RALGPS2: variants seen among roughly 807,000 people sequenced by gnomAD.
The protein encoded by RALGPS2 is ras-specific guanine nucleotide-releasing factor RalGPS2.
Under a neutral mutation model 86.8 loss-of-function variants are expected in RALGPS2, and 43 were observed. The ratio of observed to expected loss-of-function variants is 0.50; its 90% CI spans 0.39 to 0.64. The LOEUF (loss-of-function observed/expected upper bound fraction) is 0.64, where lower values mean the gene tolerates loss of function less well. Ranked by LOEUF, RALGPS2 falls within the 30% of genes least tolerant of loss-of-function variation. The probability of loss-of-function intolerance (pLI) is 0.00; values close to 1 mark genes in which losing one functional copy is unlikely to be tolerated. For missense variants in RALGPS2, 536 were observed against 694.6 expected, an observed-to-expected ratio of 0.77 and a Z score of 2.57; for synonymous variants, 243 against 231.3, an observed-to-expected ratio of 1.05 and a Z score of -0.46.
chr1:178,856,196 G>T (rs1171136927), intron 8 of RALGPS2, among the ~76,000 whole-genome samples: 594 of 40,506 alleles, frequency 0.015, 3 homozygotes, highest in African/African-American at 0.038. Flanking sequence ...TTTCCAGAGA[G>T]AGAGAGATAT....
chr1:178,731,868 A>G (rs1650385110), intron 1 of RALGPS2, among the ~76,000 whole-genome samples: 2 of 152,118 alleles, frequency 1.3e-5, no homozygotes, highest in African/African-American at 4.8e-5. Flanking sequence ...TTTGGGCAAT[A>G]CAATCCATTA....
intron 19 of RALGPS2, among the ~76,000 whole-genome samples, chr1:178,907,921 T>G (rs1660455697): frequency 1.3e-5 from 2 of 152,242 alleles, no homozygotes; most frequent in South Asian, 4.1e-4. Flanking sequence ...CTTCATCCTT[T>G]AAGTCCATTC....
chr1:178,882,330 C>T (rs1277449002), intron 10 of RALGPS2, among the ~76,000 whole-genome samples: 2 of 152,122 alleles, frequency 1.3e-5, no homozygotes, highest in Non-Finnish European at 2.9e-5. Flanking sequence ...CCGTGTCTGC[C>T]GTAATCTCTA....
chr1:178,733,614 G>T (rs761068321), intron 1 of RALGPS2, among the ~76,000 whole-genome samples: 7 of 152,222 alleles, frequency 4.6e-5, no homozygotes, highest in Admixed American at 1.3e-4. Flanking sequence ...ATTTCAAGTG[G>T]GTTTGAAAAT....
chr1:178,766,693 T>C (rs545556258), intron 1 of RALGPS2, among the ~76,000 whole-genome samples: 1 of 152,348 alleles, frequency 6.6e-6, no homozygotes, highest in Non-Finnish European at 1.5e-5. Context: ...TCTTTCATTT[T>C]GACCTTGGAG....
intron 1 of RALGPS2, among the ~76,000 whole-genome samples, chr1:178,734,936 T>G (rs1397960965): frequency 6.6e-6 from 1 of 152,134 alleles, no homozygotes; most frequent in East Asian, 1.9e-4. Flanking sequence ...ATTTTCTGGT[T>G]GTTTGATCTT....
intron 19 of RALGPS2, among the ~76,000 whole-genome samples, chr1:178,909,910 A>G (rs1660557195): frequency 6.6e-6 from 1 of 152,014 alleles, no homozygotes; most frequent in South Asian, 2.1e-4. Context: ...CCGCCTCCCA[A>G]AGTGCTGGGA....
chr1:178,732,261 T>C (rs1395963797), intron 1 of RALGPS2, among the ~76,000 whole-genome samples: 1 of 151,886 alleles, frequency 6.6e-6, no homozygotes. Flanking sequence ...TCACTTGAGA[T>C]ACATGGTTCT....
chr1:178,763,794 T>C (rs1558108048), intron 1 of RALGPS2, among the ~76,000 whole-genome samples: 1 of 152,200 alleles, frequency 6.6e-6, no homozygotes, highest in African/African-American at 2.4e-5. Flanking sequence ...CATGTAATTA[T>C]ACAGTTTTGA....
chr1:178,908,393 A>G (rs777529555), intron 19 of RALGPS2, among the ~76,000 whole-genome samples: 5 of 152,250 alleles, frequency 3.3e-5, no homozygotes, highest in Non-Finnish European at 5.9e-5. Flanking sequence ...GCTGGGATGA[A>G]CATACATGTG....
At chr1:178,801,218 G>A (rs1040625256) in intron 4 of RALGPS2, among the ~76,000 whole-genome samples, 2 of 152,074 alleles carry the variant, frequency 1.3e-5, no homozygotes, top group Non-Finnish European at 2.9e-5. Flanking sequence ...GAGCCACTAT[G>A]CCCAGCCTTC....
At chr1:178,898,181 TAAAAG>T (rs1417885203) in intron 17 of RALGPS2, among the ~76,000 whole-genome samples, 1 of 152,062 alleles carries the variant, frequency 6.6e-6, no homozygotes, top group African/African-American at 2.4e-5. Context: ...TCATATTACT[TAAAAG>T]AAGCCTCTTT....
intron 18 of RALGPS2, among the ~76,000 whole-genome samples, chr1:178,903,497 C>A (rs1274948441): frequency 6.6e-6 from 1 of 152,022 alleles, no homozygotes; most frequent in Non-Finnish European, 1.5e-5. Context: ...TTACCCTCAT[C>A]CCCCTTCTCA....
At chr1:178,737,858 G>T (rs183581302) in intron 1 of RALGPS2, among the ~76,000 whole-genome samples, 77 of 151,930 alleles carry the variant, frequency 5.1e-4, no homozygotes, top group African/African-American at 1.8e-3. Flanking sequence ...GCTCACTGCA[G>T]CCTTGACCTC....
chr1:178,764,345 G>A (rs1572300542), intron 1 of RALGPS2, among the ~76,000 whole-genome samples: 1 of 152,062 alleles, frequency 6.6e-6, no homozygotes, highest in East Asian at 1.9e-4. Context: ...TTTACTTGGA[G>A]CTTGTGGGTG....
At position 178,839,467 on chromosome 1, in the gene RALGPS2, T is replaced by G. The variant is rs544824793; in HGVS notation, c.607+5917T>G. ...CTTTACAGACAAGCAAATGCTGAGA[T>G]ATTTTGTCACCACCAGGCCTGCCTT... On this transcript the variant is annotated intron_variant, in intron 8 of 19. Coordinates refer to ENST00000367635, the MANE Select transcript of RALGPS2 (RefSeq NM_152663.5). Among the ~76,000 whole-genome samples, 153 of 151,308 alleles carry G rather than the reference T, an allele frequency of 1.0e-3. 1 individual carries two copies. Among genetic ancestry groups the G allele is most frequent in the East Asian group, 7.5e-3 (39 of 5,166 alleles).
intron 17 of RALGPS2, among the ~76,000 whole-genome samples, chr1:178,899,203 G>T (rs1160186631): frequency 1.3e-5 from 2 of 151,686 alleles, no homozygotes; most frequent in Non-Finnish European, 2.9e-5. Context: ...TTGCATTGTT[G>T]CTTGTGCATA....
chr1:178,916,431 C>T lies in RALGPS2; in HGVS notation c.*72C>T. 1 of 1,418,892 alleles carries T rather than the reference C, an allele frequency of 7.0e-7. No homozygotes were observed. The highest frequency in any genetic ancestry group is 1.2e-5 in the South Asian group (1 of 80,142). 87.9% of individuals were successfully genotyped at this position (1,418,892 alleles called of 1,614,324 possible). A position where few individuals can be genotyped will look rare whatever the true frequency, so the allele number is the denominator to read the frequency against. On this transcript the variant is annotated 3_prime_UTR_variant, in exon 20 of 20. Coordinates refer to ENST00000367635, the MANE Select transcript of RALGPS2 (RefSeq NM_152663.5). Reference sequence around the variant, plus strand: ...TGAGGACCTGATAAAAGAGCGCCAGCTATAAACCATCCTGTGCCAGGAAGA... The same window carrying T: ...TGAGGACCTGATAAAAGAGCGCCAGTTATAAACCATCCTGTGCCAGGAAGA...
rs34499816 is a variant in RALGPS2 at position 178,729,491 on chromosome 1, T to TA, written c.-84+4079dup. Among the ~76,000 whole-genome samples the TA allele has an allele frequency of 1.1e-4, 16 of 152,228 alleles. No homozygotes were observed. In the East Asian group the frequency reaches 2.1e-3, roughly 20 times the overall value. The stretch of plus-strand genomic sequence containing the variant: ...AGGACCCCTGGTTTTGTTCCTTTTT[T>TA]AAAAAAAGATTAATATTTGATTTAT... On this transcript the variant is annotated intron_variant, in intron 1 of 19. Transcript: ENST00000367635.
Sources: allele counts gnomAD v4.1 joint callset (sites outside exome capture counted in the v4.1 genomes callset), GRCh38; gene constraint gnomAD v4.1.1; transcripts MANE v1.5; gene names NCBI Gene and HGNC (gene_info 2026-07-23, HGNC 2026-07-21).